IVD: variants seen among roughly 807,000 people sequenced by gnomAD.
IVD encodes isovaleryl-CoA dehydrogenase, mitochondrial.
A neutral mutation model predicts 51.3 loss-of-function variants in IVD; 31 were observed. That is an observed-to-expected ratio of 0.60 (90% confidence interval 0.45 to 0.81). IVD has a LOEUF of 0.81. Ranked by LOEUF, IVD falls within the 40% of genes least tolerant of loss-of-function variation. The pLI, the probability that IVD is intolerant of heterozygous loss-of-function variation, is 0.00. For missense variants in IVD, 475 were observed against 552.0 expected (o/e 0.86, Z 1.40); for synonymous variants, 205 against 219.4 (o/e 0.93, Z 0.58).
Position 40,410,310 on chromosome 15 carries a change from T to C in IVD, c.287-318T>C, listed in dbSNP as rs72733442. 0.11 allele frequency among the ~76,000 whole-genome samples: 17,173 copies of C among 152,274 alleles called. 1,104 individuals carry two copies. Among genetic ancestry groups the C allele is most frequent in the Non-Finnish European group, 0.13 (8,867 of 68,008 alleles). On this transcript the variant is annotated intron_variant, in intron 3 of 11. Transcript: ENST00000487418. ...CTCTTTCTTCATTTATTCATCTGCC[T>C]CTGCATTTCTGTAACTTTCTGAGTA... is the stretch of plus-strand genomic sequence containing the variant.
chr15:40,435,491 A>G (rs1372975420), exon 9 of IVD: 2 of 1,256,380 alleles, frequency 1.6e-6, no homozygotes, highest in Non-Finnish European at 2.1e-6. Context: ...GGAGCAGGTG[A>G]GCACTGCGAG....
Position 40,419,268 on chromosome 15 carries a change from T to C in IVD, c.*1005T>C, listed in dbSNP as rs560096869. The C allele has an allele frequency of 1.9e-4, 240 of 1,279,344 alleles. No individual in the cohort carries two copies. Among genetic ancestry groups the C allele is most frequent in the Middle Eastern group, 8.5e-4 (4 of 4,680 alleles). 79.2% of individuals were successfully genotyped at this position (1,279,344 alleles called of 1,614,324 possible). A position where few individuals can be genotyped will look rare whatever the true frequency, so the allele number is the denominator to read the frequency against. On this transcript the variant is annotated 3_prime_UTR_variant, in exon 12 of 12. Coordinates refer to ENST00000487418, the MANE Select transcript of IVD (RefSeq NM_002225.5). ...GTGTGTGCCTGTAATCCCAGCACTTTGGGAGGCCAAGGCAGGTGGATCACT... is the reference window on the plus strand; with the variant it reads ...GTGTGTGCCTGTAATCCCAGCACTTCGGGAGGCCAAGGCAGGTGGATCACT...
rs1302570733 is a variant in IVD, at chr15:40,413,037, T to C, written c.734T>C (p.Met245Thr). 7 of 1,614,148 alleles carry C rather than the reference T, an allele frequency of 4.3e-6. No homozygotes were observed. The highest frequency in any genetic ancestry group is 5.9e-6 in the Non-Finnish European group (7 of 1,179,998). ...TCTAAGAAGCTGGACAAGCTGGGGA[T>C]GAGGGGCTCTAACACCTGTGAGCTA... The part of the protein sequence containing the change: ...STSKKLDKLG[M>T]RGSNTCELIF... The change falls in exon 7 of 12, where the codon ATG becomes ACG. Residue 245 changes from methionine (M) to threonine (T), a missense_variant. Physicochemically the swap from Met to Thr is moderately conservative, Grantham distance 81 (BLOSUM62 -1). Coordinates refer to ENST00000487418, the MANE Select transcript of IVD (RefSeq NM_002225.5).
In IVD at chr15:40,420,615, C is replaced by T. The variant is rs1566946245; in HGVS notation, c.*2352C>T. The T allele has an allele frequency of 4.1e-6, 4 of 987,546 alleles. No individual in the cohort carries two copies. The highest frequency in any genetic ancestry group is 4.8e-6 in the Non-Finnish European group (4 of 830,112). The allele number at this position is 987,546 out of a possible 1,614,324, so 61.2% of individuals were successfully genotyped here. A position where few individuals can be genotyped will look rare whatever the true frequency, so the allele number is the denominator to read the frequency against. ...GGAGAGAGGTCTCAGCCTCCCTTTC[C>T]CAGATCTCCCAGTGAGTTTTAAAGG... On this transcript the variant is annotated 3_prime_UTR_variant, in exon 12 of 12. Coordinates refer to ENST00000487418, the MANE Select transcript of IVD (RefSeq NM_002225.5).
At chr15:40,434,552 C>T (rs941389744) in intron 8 of IVD, among the ~76,000 whole-genome samples, 6 of 152,102 alleles carry the variant, frequency 3.9e-5, no homozygotes, top group African/African-American at 1.4e-4. Context: ...TAAAGACTTA[C>T]GGGCAAAGCA....
chr15:40,412,419 G>A (rs1480458836), intron 6 of IVD, among the ~76,000 whole-genome samples: 4 of 152,202 alleles, frequency 2.6e-5, no homozygotes, highest in South Asian at 2.1e-4. Flanking sequence ...ATAGAGAGGG[G>A]GAAAGTAGCT....
Position 40,414,923 on chromosome 15 carries a change from C to T in IVD, c.819C>T (p.Val273=). 1 of 1,614,154 alleles carries T rather than the reference C, an allele frequency of 6.2e-7. No homozygotes were observed. Among genetic ancestry groups the T allele is most frequent in the Non-Finnish European group, 8.5e-7 (1 of 1,180,016 alleles). ...ANILGHENKG[V]YVLMSGLDLE... is the part of the protein sequence containing the mutation. ...TCCTGGGCCATGAGAATAAGGGTGTCTACGTGCTGATGAGTGGGCTGGACC... is the reference window on the plus strand; with the variant it reads ...TCCTGGGCCATGAGAATAAGGGTGTTTACGTGCTGATGAGTGGGCTGGACC... Residue 273 remains valine (V), a synonymous_variant, in exon 8 of 12, where the codon GTC becomes GTT. Coordinates refer to ENST00000487418, the MANE Select transcript of IVD (RefSeq NM_002225.5).
Position 40,411,532 on chromosome 15 carries a change from A to G in IVD, c.551-23A>G, listed in dbSNP as rs745748728. The G allele has an allele frequency of 1.3e-5, 21 of 1,614,108 alleles. No homozygotes were observed. In the East Asian group the frequency reaches 4.7e-4, roughly 36 times the overall value. ...GAGACAGGCCAAGATGGCTTGAGCA[A>G]ATAGCCAACATCCTGCCCTTAGGAA... On this transcript the variant is annotated intron_variant, in intron 5 of 11. Transcript: ENST00000487418.
chr15:40,412,398 C>T (rs74659386), intron 6 of IVD, among the ~76,000 whole-genome samples: 2,071 of 152,252 alleles, frequency 0.014, 43 homozygotes, highest in African/African-American at 0.047. Flanking sequence ...TAAAGGTTTG[C>T]GGTACCCTCC....
chr15:40,433,782 C>A (rs1306437651), intron 7 of IVD: 1 of 448,878 alleles, frequency 2.2e-6, no homozygotes. Context: ...AGGTATCATG[C>A]CATGTTCTCA....
intron 7 of IVD, among the ~76,000 whole-genome samples, chr15:40,429,675 A>G (rs1370145105): frequency 6.6e-6 from 1 of 152,188 alleles, no homozygotes; most frequent in Non-Finnish European, 1.5e-5. Context: ...TCTAGATGAA[A>G]TCAGATTTAA....
intron 11 of IVD, among the ~76,000 whole-genome samples, chr15:40,417,233 C>T (rs1370408434): frequency 6.8e-6 from 1 of 147,456 alleles, no homozygotes; most frequent in African/African-American, 2.5e-5. Context: ...AAAGGCCGGG[C>T]ACGGTGGCTC....
chr15:40,425,242 C>G (rs921045116), downstream of IVD, among the ~76,000 whole-genome samples: 1 of 152,026 alleles, frequency 6.6e-6, no homozygotes. Context: ...CTCCTGTGTA[C>G]CCAACACGCA....
At chr15:40,406,371 T>C (rs946566531) in intron 1 of IVD, 2 of 1,306,458 alleles carry the variant, frequency 1.5e-6, no homozygotes, top group Non-Finnish European at 2.0e-6. Context: ...CACACCTGGG[T>C]GGTCATCGTA....
intron 3 of IVD, among the ~76,000 whole-genome samples, chr15:40,409,491 T>G (rs1890819961): frequency 6.6e-6 from 1 of 152,200 alleles, no homozygotes; most frequent in Non-Finnish European, 1.5e-5. Flanking sequence ...TTCTGCATGA[T>G]GTCATGGTGG....
chr15:40,435,572 A>G (rs1165648504), downstream of IVD: 8 of 1,146,354 alleles, frequency 7.0e-6, no homozygotes, highest in Non-Finnish European at 7.7e-6. Context: ...CGCCTCTTGG[A>G]TCTCAGACCA....
chr15:40,406,312 C>A (rs1214208208), intron 1 of IVD: 2 of 1,383,050 alleles, frequency 1.4e-6, no homozygotes, highest in Non-Finnish European at 1.9e-6. Context: ...CAAGGGCCCT[C>A]AATCTGTATG....
chr15:40,410,492 A>T (rs962040929), intron 3 of IVD, 136 bp from the exon 4 acceptor site: 2 of 1,030,672 alleles, frequency 1.9e-6, no homozygotes, highest in African/African-American at 3.2e-5. Flanking sequence ...GCATCAGCTT[A>T]TTCTTGTTGC....
At chr15:40,412,884 A>C in intron 6 of IVD, 107 bp from the exon 7 acceptor site, 2 of 822,252 alleles carry the variant, frequency 2.4e-6, no homozygotes, top group Non-Finnish European at 4.2e-6. Context: ...CTGTGCAGGT[A>C]CAGGGACTCA....
Sources: allele counts gnomAD v4.1 joint callset (sites outside exome capture counted in the v4.1 genomes callset), GRCh38; gene constraint gnomAD v4.1.1; transcripts MANE v1.5; gene names NCBI Gene and HGNC (gene_info 2026-07-23, HGNC 2026-07-21).